Variants in PAFAH1B2 observed in about 807,000 individuals in gnomAD.
PAFAH1B2 encodes platelet-activating factor acetylhydrolase IB subunit alpha2.
A neutral mutation model predicts 28.0 loss-of-function variants in PAFAH1B2; 8 were observed. The observed-to-expected ratio is 0.29, with a 90% CI of 0.17 to 0.52. The LOEUF (loss-of-function observed/expected upper bound fraction) is 0.52, where lower values mean the gene tolerates loss of function less well. Ranked by LOEUF, PAFAH1B2 falls within the 20% of genes least tolerant of loss-of-function variation. The probability of loss-of-function intolerance (pLI) is 0.97; values close to 1 mark genes in which losing one functional copy is unlikely to be tolerated. For synonymous variants in PAFAH1B2, 104 were observed against 103.2 expected, an observed-to-expected ratio of 1.01 and a Z score of -0.05; for missense variants, 190 against 282.6, an observed-to-expected ratio of 0.67 and a Z score of 2.35.
rs185919841 is a variant in PAFAH1B2, at chr11:117,168,582, T to C, written c.*883T>C. 4.5e-3 allele frequency: 4,825 copies of C among 1,060,568 alleles called. 12 individuals are homozygous for C. The highest frequency in any genetic ancestry group is 5.1e-3 in the Non-Finnish European group (4,470 of 876,686). The allele number at this position is 1,060,568 out of a possible 1,614,324, so 65.7% of individuals were successfully genotyped here. ...CATGATAGTACTGCTATAAAACTCA[T>C]TCTTGTGTGGTGTTCTGTGCTATAG... On this transcript the variant is annotated 3_prime_UTR_variant, in exon 6 of 6. Coordinates refer to ENST00000527958, the MANE Select transcript of PAFAH1B2 (RefSeq NM_002572.4).
At chr11:117,147,475 G>A (rs1311352172) in intron 1 of PAFAH1B2, among the ~76,000 whole-genome samples, 1 of 152,148 alleles carries the variant, frequency 6.6e-6, no homozygotes, top group Non-Finnish European at 1.5e-5. Context: ...TGGGATTACA[G>A]GCATGAGACA....
chr11:117,159,859 G>C (rs979833214), intron 2 of PAFAH1B2, 75 bp from the exon 3 acceptor site: 39 of 1,020,550 alleles, frequency 3.8e-5, no homozygotes, highest in Non-Finnish European at 5.7e-5. Context: ...CCAAAATGTT[G>C]AGAGTTCAAG....
chr11:117,149,623 G>C (rs1004592570), intron 1 of PAFAH1B2, among the ~76,000 whole-genome samples: 5 of 149,204 alleles, frequency 3.4e-5, no homozygotes, highest in African/African-American at 1.2e-4. Flanking sequence ...TAGTAGATAC[G>C]GGGTTTCACC....
At chr11:117,151,233 C>CTTTTTTTTT (rs11449159) in intron 1 of PAFAH1B2, among the ~76,000 whole-genome samples, 1 of 133,970 alleles carries the variant, frequency 7.5e-6, no homozygotes, top group Non-Finnish European at 1.6e-5. Context: ...TTTTCTTTTT[C>CTTTTTTTTT]TTTTTTTTTT....
intron 3 of PAFAH1B2, 136 bp from the exon 4 acceptor site, chr11:117,161,009 T>G: frequency 1.6e-6 from 1 of 633,424 alleles, no homozygotes; most frequent in Non-Finnish European, 2.7e-6. Flanking sequence ...TTAAAAGCCC[T>G]TAAACAGTGT....
At position 117,167,657 on chromosome 11, in the gene PAFAH1B2, G is replaced by T. The variant is rs1337985819; in HGVS notation, c.648G>T (p.Leu216Phe). Residue 216 changes from leucine (L) to phenylalanine (F), a missense_variant, in exon 6 of 6, where the codon TTG (leucine) becomes TTT (phenylalanine). Physicochemically the swap from Leu to Phe is conservative, Grantham distance 22. Transcript: ENST00000527958. Reference sequence around the variant, plus strand: ...CCCTGCATGAACTGATCATGCAGTTGTTGGAGGAAACACCTGAGGAGAAAC... The same window carrying T: ...CCCTGCATGAACTGATCATGCAGTTTTTGGAGGAAACACCTGAGGAGAAAC... ...CKPLHELIMQ[L>F]LEETPEEKQT... The T allele has an allele frequency of 6.3e-7, 1 of 1,576,418 alleles. No homozygotes were observed. Among genetic ancestry groups the T allele is most frequent in the Non-Finnish European group, 8.7e-7 (1 of 1,154,226 alleles).
rs776538379 is a variant in PAFAH1B2 at position 117,161,273 on chromosome 11, GTTAC to G, written c.288+15_288+18del. Reference sequence around the variant, plus strand: ...ATATTAAGCCTAAGGTGAAATGAAAGTTACTTGTCAATGTCATTAATCTTAAGTC... The same window carrying G: ...ATATTAAGCCTAAGGTGAAATGAAAGTTGTCAATGTCATTAATCTTAAGTC... On this transcript the variant is annotated intron_variant, in intron 4 of 5. Coordinates refer to ENST00000527958, the MANE Select transcript of PAFAH1B2 (RefSeq NM_002572.4). The G allele has an allele frequency of 7.1e-7, 1 of 1,411,218 alleles. No individual in the cohort carries two copies. Among genetic ancestry groups the G allele is most frequent in the South Asian group, 1.3e-5 (1 of 77,758 alleles). 87.4% of individuals were successfully genotyped at this position (1,411,218 alleles called of 1,614,324 possible).
At chr11:117,147,296 A>T (rs993293522) in intron 1 of PAFAH1B2, among the ~76,000 whole-genome samples, 1 of 152,106 alleles carries the variant, frequency 6.6e-6, no homozygotes, top group African/African-American at 2.4e-5. Flanking sequence ...TTTAATTTTT[A>T]TTTTTGAGAC....
chr11:117,155,868 T>G lies in PAFAH1B2; in HGVS notation c.81+3340T>G, dbSNP rs183774865. Reference sequence around the variant, plus strand: ...CCCTCATTCCCCTCACCCCCCAAAATAGCAAACAAAAATGTGTCGTTGAGT... The same window carrying G: ...CCCTCATTCCCCTCACCCCCCAAAAGAGCAAACAAAAATGTGTCGTTGAGT... On this transcript the variant is annotated intron_variant, in intron 2 of 5. Transcript: ENST00000527958. Among the ~76,000 whole-genome samples the G allele has an allele frequency of 1.1e-4, 17 of 152,052 alleles. No individual in the cohort carries two copies. In the East Asian group the frequency reaches 3.3e-3, roughly 29 times the overall value.
At position 117,167,471 on chromosome 11, in the gene PAFAH1B2, C is replaced by A; in HGVS notation, c.462C>A (p.Ala154=). 6.2e-7 allele frequency: 1 copy of A among 1,604,512 alleles called. No individual in the cohort carries two copies. The highest frequency in any genetic ancestry group is 1.1e-5 in the South Asian group (1 of 89,266). Residue 154 remains alanine, a synonymous_variant, in exon 6 of 6, where the codon GCC becomes GCA. Transcript: ENST00000527958. The part of the protein sequence containing the change: ...EKPNPLRQKN[A]KVNQLLKVSL... ...CCAATCCTTTGAGGCAAAAGAACGC[C>A]AAGGTGAACCAACTCCTCAAGGTTT...
At chr11:117,144,969 G>C (rs529060933) in intron 1 of PAFAH1B2, among the ~76,000 whole-genome samples, 2 of 152,272 alleles carry the variant, frequency 1.3e-5, no homozygotes, top group Admixed American at 6.5e-5. Context: ...TCCTCCTTTT[G>C]TTGAAAAATT....
At chr11:117,145,469 G>A (rs1033487954) in intron 1 of PAFAH1B2, among the ~76,000 whole-genome samples, 1 of 152,096 alleles carries the variant, frequency 6.6e-6, no homozygotes, top group African/African-American at 2.4e-5. Context: ...TGTGGAGAAA[G>A]TGGAAGGAGA....
In PAFAH1B2 at chr11:117,163,762, A is replaced by C. The variant is rs898228500; in HGVS notation, c.289-8A>C. On this transcript the variant is annotated splice_polypyrimidine_tract_variant and splice_region_variant and intron_variant, in intron 4 of 5. Coordinates refer to ENST00000527958, the MANE Select transcript of PAFAH1B2 (RefSeq NM_002572.4). ...CTTCTCCTTCCCCCCTTTTTTCTTC[A>C]ATTGCAGGTCATTGTTGTCTGGGTA... 4 of 1,610,146 alleles carry C rather than the reference A, an allele frequency of 2.5e-6. No individual in the cohort carries two copies. Among genetic ancestry groups the C allele is most frequent in the Non-Finnish European group, 3.4e-6 (4 of 1,178,620 alleles).
At chr11:117,163,669 T>G in intron 4 of PAFAH1B2, 101 bp from the exon 5 acceptor site, 1 of 995,128 alleles carries the variant, frequency 1.0e-6, no homozygotes, top group Non-Finnish European at 1.4e-6. Flanking sequence ...CGAGACCCCA[T>G]CTCAAAAAAA....
exon 6 of PAFAH1B2, chr11:117,176,216 T>G (rs780163551): frequency 4.2e-6 from 2 of 477,802 alleles, no homozygotes; most frequent in Admixed American, 3.9e-5. Flanking sequence ...CCAGCTGACT[T>G]TCTAATTGGT....
At chr11:117,154,008 G>A (rs1166220007) in intron 2 of PAFAH1B2, among the ~76,000 whole-genome samples, 1 of 151,354 alleles carries the variant, frequency 6.6e-6, no homozygotes, top group Non-Finnish European at 1.5e-5. Context: ...GGGCAGGTTG[G>A]GAAGTCAAGG....
chr11:117,168,792 T>A lies in PAFAH1B2; in HGVS notation c.*1093T>A, dbSNP rs143325875. On this transcript the variant is annotated 3_prime_UTR_variant, in exon 6 of 6. Transcript: ENST00000527958. Reference sequence around the variant, plus strand: ...TTATTTTTTTTATTGGCTTAGTTGTTTTTTGTTTTGTTTTGTTTGAGATGG... The same window carrying A: ...TTATTTTTTTTATTGGCTTAGTTGTATTTTGTTTTGTTTTGTTTGAGATGG... 2.0e-6 allele frequency: 2 copies of A among 985,378 alleles called. No homozygotes were observed. The highest frequency in any genetic ancestry group is 5.6e-5 in the Admixed American group (1 of 17,792). The allele number at this position is 985,378 out of a possible 1,614,324, so 61.0% of individuals were successfully genotyped here.
downstream of PAFAH1B2, chr11:117,175,697 T>A (rs189506322): frequency 7.1e-5 from 84 of 1,177,586 alleles, no homozygotes; most frequent in African/African-American, 1.2e-3. Context: ...GGGCTCCACC[T>A]CCCAAGATGA....
At chr11:117,146,448 C>G (rs1248495563) in intron 1 of PAFAH1B2, among the ~76,000 whole-genome samples, 1 of 152,064 alleles carries the variant, frequency 6.6e-6, no homozygotes, top group African/African-American at 2.4e-5. Flanking sequence ...TTTTATGTGT[C>G]CATAAGAGCA....
Sources: allele counts gnomAD v4.1 joint callset (sites outside exome capture counted in the v4.1 genomes callset), GRCh38; gene constraint gnomAD v4.1.1; transcripts MANE v1.5; gene names NCBI Gene and HGNC (gene_info 2026-07-23, HGNC 2026-07-21).